The following CACNA1C variants were observed in gnomAD, a reference collection of about 807,000 sequenced individuals.
CACNA1C encodes the protein calcium voltage-gated channel subunit alpha1 C.
CACNA1C carries 30 observed loss-of-function variants against 229.0 expected under a neutral mutation model. The ratio of observed to expected loss-of-function variants is 0.13; its 90% CI spans 0.10 to 0.18. The LOEUF (loss-of-function observed/expected upper bound fraction) is 0.18, where lower values mean the gene tolerates loss of function less well. Ranked by LOEUF, CACNA1C falls within the 10% of genes least tolerant of loss-of-function variation. CACNA1C has a pLI of 1.00. For synonymous variants in CACNA1C, 1,114 were observed against 1,132.5 expected (o/e 0.98, Z 0.33); for missense variants, 1,658 against 2,845.0 (o/e 0.58, Z 9.49).
At position 2,598,969 on chromosome 12, in the gene CACNA1C, A is replaced by G. The variant is rs373180470; in HGVS notation, c.2853+1680A>G. On this transcript the variant is annotated intron_variant, in intron 21 of 46. Coordinates refer to ENST00000399655, the MANE Select transcript of CACNA1C (RefSeq NM_000719.7). Reference sequence around the variant, plus strand: ...TGGCTGCACTAAGATGCACCGCGGCAAAACCTGCTTTCCATGGTGAGCTGC... The same window carrying G: ...TGGCTGCACTAAGATGCACCGCGGCGAAACCTGCTTTCCATGGTGAGCTGC... 1.3e-4 allele frequency among the ~76,000 whole-genome samples: 20 copies of G among 152,302 alleles called. No homozygotes were observed. The South Asian group carries it at 3.9e-3, about 30-fold the overall frequency.
rs553699853 is a variant in CACNA1C at position 2,579,325 on chromosome 12, T to G, written c.1896-2265T>G. Among the ~76,000 whole-genome samples the G allele has an allele frequency of 2.0e-5, 3 of 152,258 alleles. No homozygotes were observed. The East Asian group carries it at 5.8e-4, about 29-fold the overall frequency. ...GCACAGAGGATCTCTAGAGGATTTG[T>G]GACTTCAGTGCACATGCGGACACTC... On this transcript the variant is annotated intron_variant, in intron 13 of 46. Transcript: ENST00000399655.
At chr12:2,606,288 C>G (rs772026863) in intron 24 of CACNA1C, among the ~76,000 whole-genome samples, 1 of 151,990 alleles carries the variant, frequency 6.6e-6, no homozygotes, top group Non-Finnish European at 1.5e-5. Context: ...CATTCGCCCC[C>G]GCTCCCCTCC....
intron 3 of CACNA1C, among the ~76,000 whole-genome samples, chr12:2,343,681 G>C (rs543357243): frequency 1.3e-5 from 2 of 152,296 alleles, no homozygotes; most frequent in East Asian, 3.9e-4. Flanking sequence ...TGGGGGCTGG[G>C]AAAATAAATT....
intron 30 of CACNA1C, among the ~76,000 whole-genome samples, chr12:2,645,737 C>T (rs577684605): frequency 3.3e-5 from 5 of 152,266 alleles, no homozygotes; most frequent in African/African-American, 9.6e-5. Context: ...GATTTCATCG[C>T]GAGTGGTTAT....
rs763885910 is a variant in CACNA1C, at chr12:2,682,592, G to GGAGACGTCTCAGGAT, written c.5493_5507dup (p.Ser1832_Thr1836dup). 3.7e-6 allele frequency: 6 copies of GGAGACGTCTCAGGAT among 1,612,638 alleles called. No homozygotes were observed. In the East Asian group the frequency reaches 1.1e-4, roughly 30 times the overall value. On this transcript the variant is annotated inframe_insertion, in exon 43 of 47. Transcript: ENST00000399655. ...GCCAGGCAGCCATGGCGGGTCAGGA[G>GGAGACGTCTCAGGAT]GAGACGTCTCAGGATGAGACCTATG...
chr12:2,004,461 G>GA (rs1565897240), intron 1 of CACNA1C: 1 of 1,585,460 alleles, frequency 6.3e-7, no homozygotes. Flanking sequence ...TAGGCACGGG[G>GA]CTCTTGGAAG....
At chr12:2,506,204 A>G (rs1314474572) in intron 8 of CACNA1C, among the ~76,000 whole-genome samples, 1 of 152,212 alleles carries the variant, frequency 6.6e-6, no homozygotes, top group African/African-American at 2.4e-5. Context: ...GATAACAGTG[A>G]TGAGCAGAAC....
At chr12:2,310,537 G>A (rs1373269111) in intron 3 of CACNA1C, among the ~76,000 whole-genome samples, 2 of 152,010 alleles carry the variant, frequency 1.3e-5, no homozygotes, top group Non-Finnish European at 2.9e-5. Flanking sequence ...TTGGAAATTC[G>A]ACTTCCAAAG....
intron 3 of CACNA1C, among the ~76,000 whole-genome samples, chr12:2,439,431 A>C (rs1279179173): frequency 6.6e-6 from 1 of 152,232 alleles, no homozygotes; most frequent in Non-Finnish European, 1.5e-5. Context: ...TCTCATCCCC[A>C]GACCTGCCTG....
At chr12:2,375,808 G>A (rs1287532782) in intron 3 of CACNA1C, among the ~76,000 whole-genome samples, 1 of 152,216 alleles carries the variant, frequency 6.6e-6, no homozygotes, top group Non-Finnish European at 1.5e-5. Flanking sequence ...TTAGCCCACT[G>A]GTTCTGCCCA....
chr12:2,046,376 C>T (rs946886802), intron 1 of CACNA1C, among the ~76,000 whole-genome samples: 5 of 152,214 alleles, frequency 3.3e-5, no homozygotes, highest in South Asian at 4.1e-4. Context: ...GGTGACTGAG[C>T]GCTTCCCTTG....
chr12:2,684,403 A>G (rs551210965), intron 43 of CACNA1C, among the ~76,000 whole-genome samples: 1 of 152,310 alleles, frequency 6.6e-6, no homozygotes, highest in Admixed American at 6.5e-5. Flanking sequence ...TTATGAGATA[A>G]CTGTCTCTAA....
At chr12:2,390,384 T>C (rs2098462162) in intron 3 of CACNA1C, among the ~76,000 whole-genome samples, 1 of 152,170 alleles carries the variant, frequency 6.6e-6, no homozygotes, top group South Asian at 2.1e-4. Flanking sequence ...CTTTTTTGGC[T>C]AGTGCTTAAC....
At position 2,539,054 on chromosome 12, in the gene CACNA1C, A is replaced by C. The variant is rs148946134; in HGVS notation, c.1391-10889A>C. The stretch of plus-strand genomic sequence containing the variant: ...CAAGACCTGTCATTCTCTGCCATTT[A>C]CTAGCTCTCCCCTTGGGCACCTAAC... On this transcript the variant is annotated intron_variant, in intron 9 of 46. Coordinates refer to ENST00000399655, the MANE Select transcript of CACNA1C (RefSeq NM_000719.7). Among the ~76,000 whole-genome samples, 899 of 152,328 alleles carry C rather than the reference A, an allele frequency of 5.9e-3. 10 individuals carry two copies. The highest frequency in any genetic ancestry group is 0.01 in the Middle Eastern group (3 of 294).
intron 29 of CACNA1C, among the ~76,000 whole-genome samples, chr12:2,626,751 A>T (rs1006248775): frequency 6.6e-6 from 1 of 152,052 alleles, no homozygotes; most frequent in African/African-American, 2.4e-5. Context: ...TGAGACCCCC[A>T]AATGGAGCTT....
chr12:2,483,432 G>A (rs2099684574), intron 5 of CACNA1C, among the ~76,000 whole-genome samples: 1 of 152,234 alleles, frequency 6.6e-6, no homozygotes, highest in African/African-American at 2.4e-5. Context: ...AGGGGACAGA[G>A]AGGAGGAAAA....
At chr12:2,072,553 C>T (rs973786494) in intron 1 of CACNA1C, among the ~76,000 whole-genome samples, 4 of 152,116 alleles carry the variant, frequency 2.6e-5, no homozygotes, top group African/African-American at 9.7e-5. Flanking sequence ...ATTCATGGCA[C>T]CTAATGATTT....
In CACNA1C at chr12:2,075,921, T is replaced by C. The variant is rs144302507; in HGVS notation, c.49+22310T>C. On this transcript the variant is annotated intron_variant, in intron 1 of 46. Transcript: ENST00000399655. ...GGTTGGTATATTTAGAAATAATCTC[T>C]AGAGACTGTCATATGTGCTTATCTG... Among the ~76,000 whole-genome samples, 4 of 152,290 alleles carry C rather than the reference T, an allele frequency of 2.6e-5. No individual in the cohort carries two copies. The East Asian group carries it at 7.7e-4, about 29-fold the overall frequency.
intron 43 of CACNA1C, among the ~76,000 whole-genome samples, chr12:2,685,084 A>G (rs1039202915): frequency 1.3e-5 from 2 of 152,234 alleles, no homozygotes; most frequent in African/African-American, 4.8e-5. Context: ...GGTGCAACGC[A>G]TGCACCGAGG....
Sources: allele counts gnomAD v4.1 joint callset (sites outside exome capture counted in the v4.1 genomes callset), GRCh38; gene constraint gnomAD v4.1.1; transcripts MANE v1.5; gene names NCBI Gene and HGNC (gene_info 2026-07-23, HGNC 2026-07-21).